The following PPIE variants were observed in gnomAD, a reference collection of about 807,000 sequenced individuals.
The protein encoded by PPIE is peptidylprolyl isomerase E.
In PPIE, 20 loss-of-function variants were observed where a neutral mutation model predicts 38.4. The observed-to-expected ratio is 0.52, with a 90% CI of 0.37 to 0.76. PPIE has a LOEUF of 0.76. Among genes scored for constraint, PPIE ranks in the 30% least tolerant of loss-of-function variants. PPIE has a pLI of 0.00. For missense variants in PPIE, 322 were observed against 385.8 expected (o/e 0.83, Z 1.39); for synonymous variants, 142 against 135.7 (o/e 1.05, Z -0.32).
chr1:39,748,563 C>A, intron 7 of PPIE: 1 of 236,068 alleles, frequency 4.2e-6, no homozygotes, highest in Non-Finnish European at 8.4e-6. Context: ...ATAGTGAAAC[C>A]CCATCTCTAC....
chr1:39,745,566 T>C, intron 7 of PPIE, 68 bp downstream of exon 7: 1 of 1,607,240 alleles, frequency 6.2e-7, no homozygotes, highest in South Asian at 1.1e-5. Context: ...TCCCAGGTTC[T>C]TACTGCTTCA....
chr1:39,740,485 T>A (rs1256519568), intron 2 of PPIE, among the ~76,000 whole-genome samples: 1 of 152,122 alleles, frequency 6.6e-6, no homozygotes, highest in Non-Finnish European at 1.5e-5. Context: ...AGCTGTTGGG[T>A]TGAGATAAGA....
chr1:39,745,014 C>T (rs1181904950), intron 6 of PPIE, among the ~76,000 whole-genome samples: 1 of 152,162 alleles, frequency 6.6e-6, no homozygotes, highest in Non-Finnish European at 1.5e-5. Flanking sequence ...AGTGGGTGGG[C>T]TGGAACTGGC....
intron 9 of PPIE, chr1:39,762,523 C>T: frequency 6.5e-7 from 1 of 1,550,038 alleles, no homozygotes; most frequent in South Asian, 1.2e-5. Flanking sequence ...TAAGGTTGCC[C>T]CAGATACCAA....
rs1028461937 is a variant in PPIE, at chr1:39,754,401, G to A, written c.*1046G>A. ...ACAGACCAGCAGGCTGGAGACTCAG[G>A]AAAAAAACTGATGTTGCAGTTCAGC... On this transcript the variant is annotated 3_prime_UTR_variant, in exon 10 of 10. Transcript: ENST00000324379. Among the ~76,000 whole-genome samples the A allele has an allele frequency of 2.6e-5, 4 of 152,142 alleles. No individual in the cohort carries two copies. The highest frequency in any genetic ancestry group is 9.7e-5 in the African/African-American group (4 of 41,430).
Position 39,748,894 on chromosome 1 carries a change from C to T in PPIE, c.509-9C>T, listed in dbSNP as rs1361235732. The T allele has an allele frequency of 6.2e-7, 1 of 1,609,684 alleles. No individual in the cohort carries two copies. Among genetic ancestry groups the T allele is most frequent in the Non-Finnish European group, 8.5e-7 (1 of 1,178,848 alleles). On this transcript the variant is annotated splice_polypyrimidine_tract_variant and intron_variant, in intron 7 of 9. Transcript: ENST00000324379. ...TTAACCCCAGCGCTTTTTCCTTTCT[C>T]AATTCCAGAGAATTTCCGCTGCCTG... is the stretch of plus-strand genomic sequence containing the variant.
At chr1:39,752,671 T>C (rs940414224) in intron 8 of PPIE, among the ~76,000 whole-genome samples, 1 of 152,210 alleles carries the variant, frequency 6.6e-6, no homozygotes, top group Admixed American at 6.5e-5. Flanking sequence ...AAGTAGACAC[T>C]TAATTGTTAA....
At position 39,738,890 on chromosome 1, in the gene PPIE, G is replaced by A; in HGVS notation, c.-11G>A. 6.6e-7 allele frequency: 1 copy of A among 1,513,974 alleles called. No homozygotes were observed. The highest frequency in any genetic ancestry group is 8.8e-7 in the Non-Finnish European group (1 of 1,133,622). 93.8% of individuals were successfully genotyped at this position (1,513,974 alleles called of 1,614,324 possible). The stretch of plus-strand genomic sequence containing the variant: ...GAGTGCTGGCTTCCGGCGGAAAAGC[G>A]CGCGAGCAAGATGGCCACCACCAAG... On this transcript the variant is annotated 5_prime_UTR_variant, in exon 1 of 10. Coordinates refer to ENST00000324379, the MANE Select transcript of PPIE (RefSeq NM_006112.4).
In PPIE at chr1:39,756,394, G is replaced by A. The variant is rs1273294319; in HGVS notation, c.*3039G>A. On this transcript the variant is annotated 3_prime_UTR_variant, in exon 10 of 10. Transcript: ENST00000324379. ...ACTCATTCAGAGTTGAGCCCCATCT[G>A]AGTCCCCACATGCTGGCCCTGAAAC... 3 of 985,276 alleles carry A rather than the reference G, an allele frequency of 3.0e-6. No individual in the cohort carries two copies. In the African/African-American group the frequency reaches 5.2e-5, roughly 17 times the overall value. The allele number at this position is 985,276 out of a possible 1,614,324, so 61.0% of individuals were successfully genotyped here.
chr1:39,749,112 G>A (rs1213245997), intron 8 of PPIE, 24 bp downstream of exon 8: 2 of 1,559,364 alleles, frequency 1.3e-6, no homozygotes, highest in African/African-American at 1.4e-5. Flanking sequence ...GGCATGTGGT[G>A]ACGAGGGAGG....
rs1649167799 is a variant in PPIE, at chr1:39,762,724, CG to C, written c.838-963del. 3 of 1,438,052 alleles carry C rather than the reference CG, an allele frequency of 2.1e-6. No homozygotes were observed. In the Admixed American group the frequency reaches 8.1e-5, roughly 39 times the overall value. 89.1% of individuals were successfully genotyped at this position (1,438,052 alleles called of 1,614,324 possible). A position where few individuals can be genotyped will look rare whatever the true frequency, so the allele number is the denominator to read the frequency against. On this transcript the variant is annotated intron_variant, in intron 9 of 9. Coordinates refer to the PPIE transcript ENST00000356511. ...GGGCGGTCAGACTTGCCAGCGTACTCGGCGGCCCGTGTGCTAAGATCACACA... is the reference window on the plus strand; with the variant it reads ...GGGCGGTCAGACTTGCCAGCGTACTCGCGGCCCGTGTGCTAAGATCACACA...
At chr1:39,751,917 G>C (rs557687480) in intron 8 of PPIE, among the ~76,000 whole-genome samples, 92 of 152,200 alleles carry the variant, frequency 6.0e-4, no homozygotes, top group African/African-American at 2.2e-3. Flanking sequence ...GGGCAACATA[G>C]TGAGACCCTA....
chr1:39,740,309 A>C (rs572749463), intron 2 of PPIE, 46 bp downstream of exon 2: 1 of 1,484,338 alleles, frequency 6.7e-7, no homozygotes, highest in Admixed American at 1.8e-5. Flanking sequence ...CTAGGAAAAT[A>C]CCTTAAAAAA....
chr1:39,755,498 A>G lies in PPIE; in HGVS notation c.*2143A>G, dbSNP rs1648171162. ...CAAAAGAGACCCTCCCTCAAAGCACAGCCCCTTCTCTGAGTGCAAATAATG... is the reference window on the plus strand; with the variant it reads ...CAAAAGAGACCCTCCCTCAAAGCACGGCCCCTTCTCTGAGTGCAAATAATG... On this transcript the variant is annotated 3_prime_UTR_variant, in exon 10 of 10. Transcript: ENST00000324379. 1 of 985,342 alleles carries G rather than the reference A, an allele frequency of 1.0e-6. No homozygotes were observed. The highest frequency in any genetic ancestry group is 1.2e-6 in the Non-Finnish European group (1 of 829,946). The allele number at this position is 985,342 out of a possible 1,614,324, so 61.0% of individuals were successfully genotyped here. A position where few individuals can be genotyped will look rare whatever the true frequency, so the allele number is the denominator to read the frequency against.
At chr1:39,762,287 G>C (rs759977088) in intron 9 of PPIE, 5 of 470,164 alleles carry the variant, frequency 1.1e-5, no homozygotes, top group Non-Finnish European at 1.9e-5. Context: ...GGCTTGTCTT[G>C]AACTTCTGGG....
At chr1:39,760,784 A>C (rs547875401), downstream of PPIE, among the ~76,000 whole-genome samples, 3 of 152,280 alleles carry the variant, frequency 2.0e-5, no homozygotes, top group African/African-American at 7.2e-5. Flanking sequence ...GGAGGGACAC[A>C]TGGCAGGGGG....
intron 9 of PPIE, 88 bp downstream of exon 9, chr1:39,753,140 G>GAGAT: frequency 1.3e-6 from 2 of 1,595,342 alleles, no homozygotes; most frequent in South Asian, 2.2e-5. Context: ...TGGCCTGAGA[G>GAGAT]AGATGGCCAG....
intron 6 of PPIE, 101 bp from the exon 7 acceptor site, chr1:39,745,274 T>G: frequency 2.0e-6 from 3 of 1,484,246 alleles, no homozygotes; most frequent in Non-Finnish European, 2.8e-6. Flanking sequence ...TGCTCCAGCC[T>G]ACGCACTGGA....
chr1:39,747,480 T>G (rs1383972826), intron 7 of PPIE: 6 of 129,210 alleles, frequency 4.6e-5, no homozygotes, highest in Non-Finnish European at 8.6e-5. Context: ...TTTTTTTTTT[T>G]GAGACAGAGT....
Sources: gnomAD v4.1 joint callset for allele counts (sites outside exome capture counted in the v4.1 genomes callset) on GRCh38, gnomAD v4.1.1 for gene constraint, MANE v1.5 for transcripts, NCBI Gene and HGNC (gene_info 2026-07-23, HGNC 2026-07-21) for gene names.